The following SLC44A1 variants were observed in gnomAD, a reference collection of about 807,000 sequenced individuals.
SLC44A1 encodes solute carrier family 44 member 1, also known as choline transporter-like protein 1.
Under a neutral mutation model 79.3 loss-of-function variants are expected in SLC44A1, and 26 were observed. The observed-to-expected ratio is 0.33, with a 90% CI of 0.24 to 0.46. SLC44A1 has a LOEUF of 0.46. Ranked by LOEUF, SLC44A1 falls within the 20% of genes least tolerant of loss-of-function variation. The pLI is 1.00. For synonymous variants in SLC44A1, 263 were observed against 286.2 expected, an observed-to-expected ratio of 0.92 and a Z score of 0.82; for missense variants, 688 against 798.1, an observed-to-expected ratio of 0.86 and a Z score of 1.66.
intron 1 of SLC44A1, among the ~76,000 whole-genome samples, chr9:105,278,401 A>G (rs913415369): frequency 6.6e-6 from 1 of 152,122 alleles, no homozygotes. Flanking sequence ...GGCGCCCGCC[A>G]CCACGCCCGG....
intron 15 of SLC44A1, among the ~76,000 whole-genome samples, chr9:105,413,403 T>G (rs987812732): frequency 6.6e-6 from 1 of 152,192 alleles, no homozygotes; most frequent in African/African-American, 2.4e-5. Flanking sequence ...CTTCCCAATA[T>G]AGGTGCCGCC....
At chr9:105,423,700 T>G (rs1829285285) in intron 15 of SLC44A1, among the ~76,000 whole-genome samples, 1 of 152,208 alleles carries the variant, frequency 6.6e-6, no homozygotes, top group South Asian at 2.1e-4. Context: ...AGTAACACTG[T>G]TAAACCAGTT....
At chr9:105,244,981 C>T (rs1156322111) in intron 1 of SLC44A1, 77 bp downstream of exon 1, 1 of 651,688 alleles carries the variant, frequency 1.5e-6, no homozygotes, top group African/African-American at 1.9e-5. Flanking sequence ...GCCCGCCGCC[C>T]GATACCTCTC....
intron 5 of SLC44A1, among the ~76,000 whole-genome samples, chr9:105,354,021 A>G (rs945236152): frequency 7.1e-6 from 1 of 141,712 alleles, no homozygotes; most frequent in African/African-American, 2.6e-5. Context: ...CTATTGACTT[A>G]GAAATTTACA....
At chr9:105,311,510 G>A (rs924062901) in intron 3 of SLC44A1, among the ~76,000 whole-genome samples, 2 of 152,048 alleles carry the variant, frequency 1.3e-5, no homozygotes, top group African/African-American at 4.8e-5. Context: ...TAACCTTGTG[G>A]TGATTCATCT....
intron 1 of SLC44A1, among the ~76,000 whole-genome samples, chr9:105,255,169 A>G (rs562213477): frequency 6.6e-6 from 1 of 151,426 alleles, no homozygotes; most frequent in South Asian, 2.1e-4. Flanking sequence ...TGATATAAAG[A>G]GTTCTCACAG....
chr9:105,274,033 A>G (rs1830139403), intron 1 of SLC44A1, among the ~76,000 whole-genome samples: 1 of 152,182 alleles, frequency 6.6e-6, no homozygotes, highest in Non-Finnish European at 1.5e-5. Flanking sequence ...AAGACAGGGT[A>G]GGGTAGTAAT....
intron 3 of SLC44A1, among the ~76,000 whole-genome samples, chr9:105,328,025 T>C (rs1826634774): frequency 6.6e-6 from 1 of 152,234 alleles, no homozygotes. Context: ...AGAGTATTTC[T>C]CTGTTCCTGA....
chr9:105,438,235 G>A (rs1036132571), intron 15 of SLC44A1: 1 of 1,527,544 alleles, frequency 6.5e-7, no homozygotes, highest in Non-Finnish European at 8.9e-7. Flanking sequence ...ATTGTGTCAT[G>A]TTCCCCTAGG....
intron 4 of SLC44A1, among the ~76,000 whole-genome samples, chr9:105,343,245 C>A (rs941961531): frequency 1.4e-5 from 2 of 146,278 alleles, no homozygotes; most frequent in Non-Finnish European, 3.0e-5. Flanking sequence ...CTTCAATGTA[C>A]TATATTTTGA....
chr9:105,413,132 G>C (rs1379581439), intron 15 of SLC44A1, among the ~76,000 whole-genome samples: 5 of 152,184 alleles, frequency 3.3e-5, no homozygotes, highest in Admixed American at 3.3e-4. Context: ...TGGAAAAAGA[G>C]ACTTCTGTTT....
intron 1 of SLC44A1, among the ~76,000 whole-genome samples, chr9:105,284,443 A>C (rs974711766): frequency 6.6e-6 from 1 of 152,126 alleles, no homozygotes; most frequent in Non-Finnish European, 1.5e-5. Flanking sequence ...TTTGATCTCT[A>C]TAAGATGATT....
rs1223732422 is a variant in SLC44A1 at position 105,392,401 on chromosome 9, CTCTTTTTTTTT to C, written c.*3347_*3357del. The C allele has an allele frequency of 1.3e-4, 43 of 319,026 alleles. No homozygotes were observed. The highest frequency in any genetic ancestry group is 4.1e-4 in the South Asian group (3 of 7,364). 19.8% of individuals were successfully genotyped at this position (319,026 alleles called of 1,614,324 possible). ...TTGTAGAGATGCTCTCTCTCTCTCT[CTCTTTTTTTTT>C]TTTTTTTTTTTTTTTTTTCCGTGAG... On this transcript the variant is annotated 3_prime_UTR_variant, in exon 16 of 16. Coordinates refer to ENST00000374720, the MANE Select transcript of SLC44A1 (RefSeq NM_080546.5).
intron 1 of SLC44A1, among the ~76,000 whole-genome samples, chr9:105,264,603 A>T (rs1467334782): frequency 6.6e-6 from 1 of 152,210 alleles, no homozygotes; most frequent in Non-Finnish European, 1.5e-5. Flanking sequence ...ATATGCACTT[A>T]TAACTAATTG....
At chr9:105,417,689 G>A (rs1385554714) in intron 15 of SLC44A1, among the ~76,000 whole-genome samples, 3 of 151,978 alleles carry the variant, frequency 2.0e-5, no homozygotes, top group Non-Finnish European at 4.4e-5. Flanking sequence ...TCTTGCCCTT[G>A]ATATCAGTGA....
intron 3 of SLC44A1, among the ~76,000 whole-genome samples, chr9:105,314,460 TG>T (rs1412393266): frequency 2.7e-4 from 41 of 152,238 alleles, no homozygotes; most frequent in Non-Finnish European, 1.2e-4. Flanking sequence ...CAGAGCTTAG[TG>T]TCTACTTTCT....
intron 15 of SLC44A1, among the ~76,000 whole-genome samples, chr9:105,416,451 T>C (rs1422856199): frequency 6.6e-6 from 1 of 151,886 alleles, no homozygotes; most frequent in Non-Finnish European, 1.5e-5. Context: ...GTGTGTATAA[T>C]GTGTCACAGT....
rs1028319848 is a variant in SLC44A1 at position 105,274,767 on chromosome 9, C to T, written c.37-24453C>T. Among the ~76,000 whole-genome samples the T allele has an allele frequency of 2.6e-5, 4 of 152,156 alleles. No homozygotes were observed. In the East Asian group the frequency reaches 7.7e-4, roughly 29 times the overall value. On this transcript the variant is annotated intron_variant, in intron 1 of 15. Transcript: ENST00000374720. ...TGTAGTGGTATGTATTTTACATATA[C>T]CGTGGTTAACCTCACAACTGTTACA...
At chr9:105,367,525 CT>C (rs1359539501) in intron 12 of SLC44A1, among the ~76,000 whole-genome samples, 3 of 152,258 alleles carry the variant, frequency 2.0e-5, no homozygotes, top group African/African-American at 4.8e-5. Context: ...GCCAAGTCAT[CT>C]TTATCAGAAA....
Sources: gnomAD v4.1 joint callset for allele counts (sites outside exome capture counted in the v4.1 genomes callset) on GRCh38, gnomAD v4.1.1 for gene constraint, MANE v1.5 for transcripts, NCBI Gene and HGNC (gene_info 2026-07-23, HGNC 2026-07-21) for gene names.